The following MNAT1 variants were observed in gnomAD, a reference collection of about 807,000 sequenced individuals.
MNAT1 encodes the protein CDK-activating kinase assembly factor MAT1.
In MNAT1, 43 loss-of-function variants were observed where a neutral mutation model predicts 42.0. The observed-to-expected ratio is 1.02, with a 90% CI of 0.80 to 1.32. The LOEUF (loss-of-function observed/expected upper bound fraction) is 1.32. MNAT1 is among the 40% of genes most tolerant of loss of function. The pLI, the probability that MNAT1 is intolerant of heterozygous loss-of-function variation, is 0.00. For missense variants in MNAT1, 306 were observed against 350.4 expected (o/e 0.87, Z 1.01); for synonymous variants, 118 against 120.0 (o/e 0.98, Z 0.11).
chr14:60,820,775 A>C (rs2032867914), intron 6 of MNAT1, among the ~76,000 whole-genome samples: 1 of 152,172 alleles, frequency 6.6e-6, no homozygotes, highest in Admixed American at 6.5e-5. Flanking sequence ...TTTCCTAAAT[A>C]AATGAATGAT....
intron 7 of MNAT1, among the ~76,000 whole-genome samples, chr14:60,967,481 T>C (rs2036702831): frequency 6.6e-6 from 1 of 152,218 alleles, no homozygotes; most frequent in Admixed American, 6.5e-5. Context: ...TAAGTTGCCC[T>C]TCTTTGGCTA....
intron 6 of MNAT1, among the ~76,000 whole-genome samples, chr14:60,834,468 T>G (rs2033318277): frequency 6.6e-6 from 1 of 152,222 alleles, no homozygotes; most frequent in East Asian, 1.9e-4. Flanking sequence ...TTTGGCAGTT[T>G]TGAGTGAGTT....
At chr14:60,924,509 G>T (rs114711850) in intron 7 of MNAT1, among the ~76,000 whole-genome samples, 1,958 of 151,446 alleles carry the variant, frequency 0.013, 46 homozygotes, top group African/African-American at 0.045. Context: ...TTGAGACAGT[G>T]GTTTTTAATT....
intron 6 of MNAT1, among the ~76,000 whole-genome samples, chr14:60,863,101 A>G (rs1270006293): frequency 1.3e-5 from 2 of 152,172 alleles, no homozygotes; most frequent in African/African-American, 2.4e-5. Context: ...GCAGTCTTAT[A>G]CAGTATGATT....
intron 1 of MNAT1, among the ~76,000 whole-genome samples, chr14:60,764,396 G>A (rs2030728650): frequency 6.6e-6 from 1 of 152,120 alleles, no homozygotes; most frequent in Non-Finnish European, 1.5e-5. Flanking sequence ...TGCTATACCA[G>A]TGACTGTTTT....
chr14:60,939,565 AT>A (rs1214419323), intron 7 of MNAT1, among the ~76,000 whole-genome samples: 1 of 152,070 alleles, frequency 6.6e-6, no homozygotes, highest in Non-Finnish European at 1.5e-5. Flanking sequence ...TTAATCCTGA[AT>A]TCTAGTTTGA....
chr14:60,877,538 A>G (rs1262461570), intron 6 of MNAT1, among the ~76,000 whole-genome samples: 1 of 152,072 alleles, frequency 6.6e-6, no homozygotes, highest in African/African-American at 2.4e-5. Flanking sequence ...GAAAAAGGAA[A>G]CTAAGGGATG....
intron 7 of MNAT1, among the ~76,000 whole-genome samples, chr14:60,903,728 A>G (rs1242867213): frequency 6.6e-6 from 1 of 152,112 alleles, no homozygotes; most frequent in Non-Finnish European, 1.5e-5. Flanking sequence ...GGCATTCTGT[A>G]TACTGCTTTT....
At chr14:60,837,482 T>C (rs973125450) in intron 6 of MNAT1, among the ~76,000 whole-genome samples, 7 of 152,226 alleles carry the variant, frequency 4.6e-5, no homozygotes, top group Non-Finnish European at 7.3e-5. Flanking sequence ...GGGAGTTCCC[T>C]GACCCCATGC....
chr14:60,793,041 CAG>C (rs1268553014), intron 1 of MNAT1, among the ~76,000 whole-genome samples: 1 of 149,482 alleles, frequency 6.7e-6, no homozygotes, highest in Non-Finnish European at 1.5e-5. Context: ...TTTTTTGAAA[CAG>C]GGTCTTGCTC....
intron 6 of MNAT1, among the ~76,000 whole-genome samples, chr14:60,841,539 A>G (rs1373513756): frequency 6.6e-6 from 1 of 152,014 alleles, no homozygotes; most frequent in African/African-American, 2.4e-5. Context: ...CTCTACCTTC[A>G]TGAACATGTG....
intron 7 of MNAT1, among the ~76,000 whole-genome samples, chr14:60,905,970 G>A (rs2035189696): frequency 1.3e-5 from 2 of 152,184 alleles, no homozygotes; most frequent in Admixed American, 1.3e-4. Flanking sequence ...ATGATAATTA[G>A]TACTTTGAAG....
chr14:60,743,291 A>AT (rs1896524772), intron 1 of MNAT1, among the ~76,000 whole-genome samples: 1 of 144,376 alleles, frequency 6.9e-6, no homozygotes, highest in African/African-American at 2.5e-5. Flanking sequence ...ATTCTTTAGC[A>AT]TTTCTTTTTT....
chr14:60,907,038 A>G (rs2035214840), intron 7 of MNAT1, among the ~76,000 whole-genome samples: 1 of 152,130 alleles, frequency 6.6e-6, no homozygotes, highest in Non-Finnish European at 1.5e-5. Flanking sequence ...ATGGTTTTGG[A>G]ATTTTTCAAG....
intron 1 of MNAT1, among the ~76,000 whole-genome samples, chr14:60,777,778 A>C (rs569463670): frequency 2.0e-5 from 3 of 152,196 alleles, no homozygotes; most frequent in Non-Finnish European, 4.4e-5. Context: ...CTAACTGAAT[A>C]TAAAACATAG....
At chr14:60,852,297 T>C (rs2033843584) in intron 6 of MNAT1, among the ~76,000 whole-genome samples, 1 of 152,226 alleles carries the variant, frequency 6.6e-6, no homozygotes, top group Non-Finnish European at 1.5e-5. Flanking sequence ...ATAATGAGCC[T>C]TTTTTAATGT....
intron 6 of MNAT1, among the ~76,000 whole-genome samples, chr14:60,852,132 T>A (rs112420864): frequency 0.024 from 3,679 of 152,310 alleles, 63 homozygotes; most frequent in Non-Finnish European, 0.038. Context: ...ATGGTTAAGC[T>A]AATTTACACT....
chr14:60,743,184 T>C (rs1200785848), intron 1 of MNAT1, among the ~76,000 whole-genome samples: 1 of 152,244 alleles, frequency 6.6e-6, no homozygotes. Context: ...TGGTGAAATA[T>C]AGTCTCTTAT....
At chr14:60,927,777 G>A (rs1236132632) in intron 7 of MNAT1, among the ~76,000 whole-genome samples, 5 of 152,136 alleles carry the variant, frequency 3.3e-5, no homozygotes, top group Non-Finnish European at 7.3e-5. Flanking sequence ...GTCAGGACTG[G>A]ATGTATGTGC....
Sources: gnomAD v4.1 joint callset for allele counts (sites outside exome capture counted in the v4.1 genomes callset) on GRCh38, gnomAD v4.1.1 for gene constraint, MANE v1.5 for transcripts, NCBI Gene and HGNC (gene_info 2026-07-23, HGNC 2026-07-21) for gene names.